Variants in AMPH observed in about 807,000 individuals in gnomAD.
AMPH encodes the protein amphiphysin (Stiff-Mann syndrome with breast cancer 128kD autoantigen).
Under a neutral mutation model 99.1 loss-of-function variants are expected in AMPH, and 49 were observed. The observed-to-expected ratio is 0.49, with a 90% CI of 0.39 to 0.63. AMPH has a LOEUF of 0.63. Among genes scored for constraint, AMPH ranks in the 20% least tolerant of loss-of-function variants. The probability of loss-of-function intolerance (pLI) is 0.00; values close to 1 mark genes in which losing one functional copy is unlikely to be tolerated. For synonymous variants in AMPH, 314 were observed against 317.3 expected (o/e 0.99, Z 0.11); for missense variants, 759 against 863.4 (o/e 0.88, Z 1.52).
chr7:38,568,698 A>T (rs951668106), intron 1 of AMPH, among the ~76,000 whole-genome samples: 3 of 152,200 alleles, frequency 2.0e-5, no homozygotes, highest in Non-Finnish European at 2.9e-5. Context: ...AGGGGCAGGC[A>T]CAGAAGTGCA....
At position 38,525,275 on chromosome 7, in the gene AMPH, TATAGAG is replaced by T. The variant is rs1345800882; in HGVS notation, c.150+9650_150+9655del. Among the ~76,000 whole-genome samples, 270 of 86,282 alleles carry T rather than the reference TATAGAG, an allele frequency of 3.1e-3. 2 individuals are homozygous for T. Among genetic ancestry groups the T allele is most frequent in the African/African-American group, 7.2e-3 (147 of 20,434 alleles). The allele number at this position is 86,282 out of a possible 152,430, so 56.6% of individuals were successfully genotyped here. A position where few individuals can be genotyped will look rare whatever the true frequency, so the allele number is the denominator to read the frequency against. On this transcript the variant is annotated intron_variant, in intron 2 of 20. Coordinates refer to ENST00000356264, the MANE Select transcript of AMPH (RefSeq NM_001635.4). ...GTGTGTGTGTATATATATATATATA[TATAGAG>T]AGAGAGAGAGAGAGAGAGAGAGAGA... is the stretch of plus-strand genomic sequence containing the variant.
intron 1 of AMPH, among the ~76,000 whole-genome samples, chr7:38,549,387 A>G (rs1458335945): frequency 1.3e-5 from 2 of 152,212 alleles, no homozygotes; most frequent in Non-Finnish European, 2.9e-5. Context: ...TAATTCTCAA[A>G]ATCACCTGAA....
chr7:38,453,884 G>A (rs1280090304), intron 11 of AMPH, among the ~76,000 whole-genome samples: 5 of 152,174 alleles, frequency 3.3e-5, no homozygotes, highest in East Asian at 3.8e-4. Context: ...TTCATGTAGC[G>A]AACAAAGAGA....
Position 38,559,623 on chromosome 7 carries a change from G to A in AMPH, c.70-24612C>T, listed in dbSNP as rs565026366. Among the ~76,000 whole-genome samples the A allele has an allele frequency of 4.6e-5, 7 of 152,232 alleles. No homozygotes were observed. The South Asian group carries it at 6.2e-4, about 14-fold the overall frequency. ...TGAATACTTATGCTGTGCCAAAAAC[G>A]GTGCTGCATGCTTTATTTCACTTAA... On this transcript the variant is annotated intron_variant, in intron 1 of 20. Coordinates refer to ENST00000356264, the MANE Select transcript of AMPH (RefSeq NM_001635.4).
At chr7:38,487,539 C>A (rs1788547934) in intron 5 of AMPH, among the ~76,000 whole-genome samples, 1 of 152,124 alleles carries the variant, frequency 6.6e-6, no homozygotes, top group South Asian at 2.1e-4. Flanking sequence ...AGATTAAAGA[C>A]TTAAACATAA....
chr7:38,464,079 G>C (rs1033542927), intron 9 of AMPH: 1 of 1,289,626 alleles, frequency 7.8e-7, no homozygotes, highest in African/African-American at 1.5e-5. Flanking sequence ...ATGCCACTGA[G>C]CTCACTCACC....
intron 1 of AMPH, among the ~76,000 whole-genome samples, chr7:38,630,094 AT>A (rs1277468138): frequency 6.6e-6 from 1 of 152,184 alleles, no homozygotes; most frequent in Non-Finnish European, 1.5e-5. Context: ...GAAGAGGGAA[AT>A]TCATTGCCAT....
At chr7:38,439,238 A>G (rs571980837) in intron 11 of AMPH, among the ~76,000 whole-genome samples, 1 of 152,328 alleles carries the variant, frequency 6.6e-6, no homozygotes, top group East Asian at 1.9e-4. Context: ...TAAATGACTC[A>G]GTCTCAGGCA....
chr7:38,563,095 C>T (rs947195686), intron 1 of AMPH, among the ~76,000 whole-genome samples: 1 of 152,060 alleles, frequency 6.6e-6, no homozygotes, highest in Non-Finnish European at 1.5e-5. Flanking sequence ...ATTTTTCAGG[C>T]CTATCACTAC....
chr7:38,461,121 T>C (rs1221104917), intron 11 of AMPH, among the ~76,000 whole-genome samples, 162 bp downstream of exon 11: 2 of 152,204 alleles, frequency 1.3e-5, no homozygotes, highest in African/African-American at 2.4e-5. Context: ...ACATCTCCCA[T>C]GTAAGAATGC....
intron 1 of AMPH, among the ~76,000 whole-genome samples, chr7:38,544,085 CAATT>C (rs972257729): frequency 2.6e-5 from 4 of 152,194 alleles, no homozygotes; most frequent in Admixed American, 2.0e-4. Context: ...TTCCCCTTGA[CAATT>C]AAGTCATTTT....
chr7:38,554,411 A>G (rs1230461737), intron 1 of AMPH, among the ~76,000 whole-genome samples: 1 of 152,198 alleles, frequency 6.6e-6, no homozygotes, highest in African/African-American at 2.4e-5. Context: ...TCTGGAGTAC[A>G]CTTTGGCAGC....
At chr7:38,525,547 A>C (rs1790156040) in intron 2 of AMPH, among the ~76,000 whole-genome samples, 1 of 151,432 alleles carries the variant, frequency 6.6e-6, no homozygotes, top group Admixed American at 6.6e-5. Flanking sequence ...AGGATACAGA[A>C]CTTTCCAGTC....
At chr7:38,465,832 GAAC>G (rs1412941718) in intron 8 of AMPH, among the ~76,000 whole-genome samples, 1 of 152,046 alleles carries the variant, frequency 6.6e-6, no homozygotes, top group East Asian at 1.9e-4. Context: ...CCACCCTTTT[GAAC>G]AACAACAACA....
At chr7:38,543,121 G>A (rs911296606) in intron 1 of AMPH, among the ~76,000 whole-genome samples, 3 of 138,776 alleles carry the variant, frequency 2.2e-5, no homozygotes, top group East Asian at 1.9e-4. Context: ...GCCAGGCATG[G>A]TGGCATGTGC....
chr7:38,422,586 CTATCTATCTATCT>C, intron 15 of AMPH, 109 bp from the exon 16 acceptor site: 1 of 787,058 alleles, frequency 1.3e-6, no homozygotes. Context: ...ATCTATCTAT[CTATCTATCTATCT>C]ATCCATCTAT....
chr7:38,431,198 A>G (rs1005966800), intron 13 of AMPH, among the ~76,000 whole-genome samples: 6 of 152,198 alleles, frequency 3.9e-5, no homozygotes, highest in Admixed American at 6.5e-5. Flanking sequence ...TACACATCAG[A>G]TTAGCTGAAA....
intron 1 of AMPH, among the ~76,000 whole-genome samples, chr7:38,550,393 A>C (rs1334228237): frequency 6.6e-6 from 1 of 152,216 alleles, no homozygotes; most frequent in Non-Finnish European, 1.5e-5. Flanking sequence ...AGGTAAATGG[A>C]GGAACCAACG....
chr7:38,559,398 C>T (rs1028484898), intron 1 of AMPH, among the ~76,000 whole-genome samples: 1 of 152,208 alleles, frequency 6.6e-6, no homozygotes, highest in East Asian at 1.9e-4. Flanking sequence ...TACAGAATGT[C>T]CTGGAAGAAA....
Sources: gnomAD v4.1 joint callset for allele counts (sites outside exome capture counted in the v4.1 genomes callset) on GRCh38, gnomAD v4.1.1 for gene constraint, MANE v1.5 for transcripts, NCBI Gene and HGNC (gene_info 2026-07-23, HGNC 2026-07-21) for gene names.